The following SMIM13 variants were observed in gnomAD, a reference collection of about 807,000 sequenced individuals.
SMIM13 encodes the protein small integral membrane protein 13.
SMIM13 carries 3 observed loss-of-function variants against 5.9 expected under a neutral mutation model. The ratio of observed to expected loss-of-function variants is 0.51; its 90% CI spans 0.23 to 1.31. The LOEUF is 1.31. SMIM13 is among the 40% of genes most tolerant of loss of function. SMIM13 has a pLI of 0.18. For synonymous variants in SMIM13, 55 were observed against 46.0 expected (o/e 1.19, Z -0.79); for missense variants, 85 against 109.9 (o/e 0.77, Z 1.01).
intron 1 of SMIM13, among the ~76,000 whole-genome samples, chr6:11,117,994 C>T (rs1758263885): frequency 6.6e-6 from 1 of 152,152 alleles, no homozygotes; most frequent in African/African-American, 2.4e-5. Flanking sequence ...CCTCGGCCTC[C>T]CAAAGTGCTG....
chr6:11,113,461 A>C (rs1758196441), intron 1 of SMIM13, among the ~76,000 whole-genome samples: 2 of 152,246 alleles, frequency 1.3e-5, no homozygotes, highest in Non-Finnish European at 2.9e-5. Flanking sequence ...TCATTTAAAA[A>C]ATTGTGTTAC....
In SMIM13 at chr6:11,104,992, G is replaced by A. The variant is rs775489257; in HGVS notation, c.76+10603G>A. The A allele has an allele frequency of 1.2e-6, 2 of 1,614,064 alleles. No individual in the cohort carries two copies. The highest frequency in any genetic ancestry group is 2.7e-5 in the African/African-American group (2 of 74,908). The stretch of plus-strand genomic sequence containing the variant: ...GTAAAGATGGGTCCGAAAATGGGAG[G>A]TTTCTGGCGGATATCAGGGAAATCT... On this transcript the variant is annotated intron_variant, in intron 1 of 1. Coordinates refer to ENST00000416247, the MANE Select transcript of SMIM13 (RefSeq NM_001135575.2).
At chr6:11,117,165 A>ATTTTTTTTTTTTTTTTTTTTT (rs34579750) in intron 1 of SMIM13, among the ~76,000 whole-genome samples, 2 of 69,032 alleles carry the variant, frequency 2.9e-5, no homozygotes, top group Admixed American at 1.7e-4. Context: ...TAATTTTTGT[A>ATTTTTTTTTTTTTTTTTTTTT]TTTTTTTTTT....
intron 1 of SMIM13, among the ~76,000 whole-genome samples, chr6:11,107,687 G>A (rs1445240865): frequency 6.6e-6 from 1 of 152,240 alleles, no homozygotes; most frequent in Non-Finnish European, 1.5e-5. Flanking sequence ...AATTACATAT[G>A]AGTTGGGGAT....
At chr6:11,127,217 T>C (rs1758388019) in intron 1 of SMIM13, among the ~76,000 whole-genome samples, 1 of 152,084 alleles carries the variant, frequency 6.6e-6, no homozygotes, top group African/African-American at 2.4e-5. Flanking sequence ...GTCCTTCCCA[T>C]TAGGGTGGGG....
At chr6:11,131,152 T>C (rs1250648746) in intron 1 of SMIM13, among the ~76,000 whole-genome samples, 1 of 152,178 alleles carries the variant, frequency 6.6e-6, no homozygotes, top group East Asian at 1.9e-4. Context: ...TTAGTATTTG[T>C]TGAAGTCAAT....
chr6:11,121,475 C>T (rs1044669961), intron 1 of SMIM13, among the ~76,000 whole-genome samples: 1 of 152,138 alleles, frequency 6.6e-6, no homozygotes, highest in African/African-American at 2.4e-5. Context: ...CCCTGTCCCC[C>T]AAAATACATA....
intron 1 of SMIM13, among the ~76,000 whole-genome samples, chr6:11,113,977 T>G (rs1758203103): frequency 9.3e-6 from 1 of 107,182 alleles, no homozygotes; most frequent in Non-Finnish European, 2.3e-5. Flanking sequence ...ATTCTTTTTG[T>G]TTTTTTTTTT....
chr6:11,097,953 C>T (rs949541080), intron 1 of SMIM13, among the ~76,000 whole-genome samples: 2 of 152,092 alleles, frequency 1.3e-5, no homozygotes, highest in South Asian at 2.1e-4. Context: ...TCGCCGCCCC[C>T]CCACCCAATT....
chr6:11,132,586 C>A (rs1758464573), intron 1 of SMIM13, among the ~76,000 whole-genome samples: 1 of 152,096 alleles, frequency 6.6e-6, no homozygotes, highest in African/African-American at 2.4e-5. Context: ...GAATATTATT[C>A]AACCATAAAA....
At chr6:11,095,034 G>T (rs1227272538) in intron 1 of SMIM13, among the ~76,000 whole-genome samples, 1 of 152,140 alleles carries the variant, frequency 6.6e-6, no homozygotes, top group African/African-American at 2.4e-5. Context: ...TCAAATAATG[G>T]TAGCCCAATT....
Position 11,099,419 on chromosome 6 carries a change from C to T in SMIM13, c.76+5030C>T, listed in dbSNP as rs547567421. 1.4e-3 allele frequency among the ~76,000 whole-genome samples: 209 copies of T among 152,242 alleles called. No homozygotes were observed. In the Middle Eastern group the frequency reaches 0.027, roughly 20 times the overall value. ...CAATCTCCTGACCTCGTGATCCACC[C>T]GCCTCAGCCTCCCAAAGTGCTGGGA... On this transcript the variant is annotated intron_variant, in intron 1 of 1. Coordinates refer to ENST00000416247, the MANE Select transcript of SMIM13 (RefSeq NM_001135575.2).
intron 1 of SMIM13, among the ~76,000 whole-genome samples, chr6:11,111,414 C>T (rs1758164451): frequency 6.6e-6 from 1 of 152,074 alleles, no homozygotes; most frequent in African/African-American, 2.4e-5. Flanking sequence ...AGGTTTTAGC[C>T]CTACCGCTCT....
intron 1 of SMIM13, among the ~76,000 whole-genome samples, chr6:11,113,783 G>T (rs550249631): frequency 6.6e-6 from 1 of 151,896 alleles, no homozygotes; most frequent in African/African-American, 2.4e-5. Context: ...CACCATGTTG[G>T]CCAGGCTGGT....
chr6:11,105,328 T>A lies in SMIM13; in HGVS notation c.76+10939T>A, dbSNP rs368385298. Reference sequence around the variant, plus strand: ...AGGCCCATGGTGACCTAAGAGAAACTGGTCACAAAACGAGCTGCCAATGGA... The same window carrying A: ...AGGCCCATGGTGACCTAAGAGAAACAGGTCACAAAACGAGCTGCCAATGGA... On this transcript the variant is annotated intron_variant, in intron 1 of 1. Coordinates refer to ENST00000416247, the MANE Select transcript of SMIM13 (RefSeq NM_001135575.2). 23 of 1,586,074 alleles carry A rather than the reference T, an allele frequency of 1.5e-5. No individual in the cohort carries two copies. In the African/African-American group the frequency reaches 2.3e-4, roughly 16 times the overall value.
intron 1 of SMIM13, among the ~76,000 whole-genome samples, chr6:11,124,845 C>T (rs1338091206): frequency 6.6e-6 from 1 of 152,098 alleles, no homozygotes; most frequent in Non-Finnish European, 1.5e-5. Context: ...TTGAAGAACT[C>T]CTTTTATCAC....
intron 1 of SMIM13, among the ~76,000 whole-genome samples, chr6:11,121,308 A>G (rs1434036963): frequency 6.6e-6 from 1 of 152,192 alleles, no homozygotes; most frequent in Non-Finnish European, 1.5e-5. Context: ...TGCCCATAGA[A>G]TAAGAGTTAA....
chr6:11,102,419 T>G (rs1758006679), intron 1 of SMIM13: 1 of 152,224 alleles, frequency 6.6e-6, no homozygotes, highest in Non-Finnish European at 1.5e-5. Context: ...TGAACAAATT[T>G]TGTAGGTTGT....
intron 1 of SMIM13, chr6:11,104,092 C>G (rs754689107): frequency 6.4e-7 from 1 of 1,551,546 alleles, no homozygotes; most frequent in Non-Finnish European, 8.7e-7. Context: ...GCTAAAGAGT[C>G]GATTTGTTCT....
Sources: allele counts gnomAD v4.1 joint callset (sites outside exome capture counted in the v4.1 genomes callset), GRCh38; gene constraint gnomAD v4.1.1; transcripts MANE v1.5; gene names NCBI Gene and HGNC (gene_info 2026-07-23, HGNC 2026-07-21).